The following ZNF827 variants were observed in gnomAD, a reference collection of about 807,000 sequenced individuals.
The protein encoded by ZNF827 is zinc finger protein 827.
A neutral mutation model predicts 102.4 loss-of-function variants in ZNF827; 13 were observed. That is an observed-to-expected ratio of 0.13 (90% CI 0.08 to 0.20). The LOEUF (loss-of-function observed/expected upper bound fraction) is 0.20, where lower values mean the gene tolerates loss of function less well. ZNF827 is among the 10% of genes least tolerant of loss of function. The pLI, the probability that ZNF827 is intolerant of heterozygous loss-of-function variation, is 1.00. For synonymous variants in ZNF827, 523 were observed against 536.2 expected, an observed-to-expected ratio of 0.98 and a Z score of 0.34; for missense variants, 1,103 against 1,344.4, an observed-to-expected ratio of 0.82 and a Z score of 2.81.
chr4:145,824,413 C>T (rs192894434), intron 7 of ZNF827, among the ~76,000 whole-genome samples: 16 of 152,250 alleles, frequency 1.1e-4, no homozygotes, highest in Non-Finnish European at 1.6e-4. Flanking sequence ...TTACAACAGA[C>T]GAAATTCAAC....
chr4:145,918,332 CAAAAAAAAAAAAAA>C (rs34428145), intron 1 of ZNF827, among the ~76,000 whole-genome samples: 25 of 22,130 alleles, frequency 1.1e-3, no homozygotes, highest in Non-Finnish European at 1.6e-3. Context: ...TAGCTCAAGG[CAAAAAAAAAAAAAA>C]AAAAAAAAAA....
At position 145,902,851 on chromosome 4, in the gene ZNF827, A is replaced by T; in HGVS notation, c.408T>A (p.Ala136=). 1 of 1,614,166 alleles carries T rather than the reference A, an allele frequency of 6.2e-7. No homozygotes were observed. The highest frequency in any genetic ancestry group is 8.5e-7 in the Non-Finnish European group (1 of 1,180,024). The part of the protein sequence containing the change: ...LLEAGSLKLD[A]AATANGRVES... The stretch of plus-strand genomic sequence containing the variant: ...CCACTCTGCCATTAGCCGTGGCTGC[A>T]GCATCGAGTTTGAGGGAACCAGCCT... Residue 136 remains alanine (A), a synonymous_variant, in exon 2 of 15, where the codon GCT becomes GCA. Transcript: ENST00000508784. This position sits in a 1 kb window ranked among gnomAD's most constrained non-coding sequence, Gnocchi z 4.3.
Position 145,938,669 on chromosome 4 carries a change from C to T in ZNF827, c.-262G>A, listed in dbSNP as rs1316859130. ...TTTGGTCGTGCACCTGGCTTGTCCC[C>T]GAGCGTAATATTCTTCAATGGAAAC... On this transcript the variant is annotated 5_prime_UTR_variant, in exon 1 of 15. Transcript: ENST00000508784. The T allele has an allele frequency of 2.0e-6, 1 of 504,684 alleles. No homozygotes were observed. The highest frequency in any genetic ancestry group is 3.3e-5 in the Admixed American group (1 of 30,282). The allele number at this position is 504,684 out of a possible 1,614,324, so 31.3% of individuals were successfully genotyped here.
chr4:145,869,544 T>C (rs1319166141), intron 5 of ZNF827, among the ~76,000 whole-genome samples: 3 of 152,222 alleles, frequency 2.0e-5, no homozygotes, highest in African/African-American at 7.2e-5. Context: ...AAGTCCTATC[T>C]TTGAATTGAA....
intron 3 of ZNF827, among the ~76,000 whole-genome samples, chr4:145,888,253 T>C (rs543128977): frequency 6.6e-6 from 1 of 152,326 alleles, no homozygotes; most frequent in Admixed American, 6.5e-5. Context: ...AGAGAAGTAT[T>C]AGCTCTATCC....
Position 145,886,112 on chromosome 4 carries a change from C to A in ZNF827, c.1313G>T (p.Cys438Phe). The change falls in exon 4 of 15, where the codon TGC becomes TTC. Residue 438 changes from cysteine (C) to phenylalanine (F), a missense_variant. Cys to Phe is a radical substitution (Grantham distance 205). Coordinates refer to ENST00000508784, the MANE Select transcript of ZNF827 (RefSeq NM_001306215.2). ...DRGETFQCQL[C>F]PFTSSRHFSL... ...GAAGTGGCGTGAGGAAGTAAAAGGG[C>A]ACAGCTGGCACTGAAAGGTCTCTCC... 6.2e-7 allele frequency: 1 copy of A among 1,611,784 alleles called. No individual in the cohort carries two copies. The highest frequency in any genetic ancestry group is 1.1e-5 in the South Asian group (1 of 90,530).
intron 8 of ZNF827, among the ~76,000 whole-genome samples, chr4:145,818,207 T>G (rs1742785076): frequency 6.6e-6 from 1 of 152,202 alleles, no homozygotes; most frequent in African/African-American, 2.4e-5. Context: ...TTCCTTTTGG[T>G]CAGTGTCTGG....
intron 1 of ZNF827, among the ~76,000 whole-genome samples, chr4:145,932,796 C>T (rs536550175): frequency 7.2e-5 from 11 of 152,300 alleles, no homozygotes; most frequent in African/African-American, 2.6e-4. Context: ...CAACTTCTGA[C>T]CTCAGGAGAA....
At chr4:145,887,516 G>T (rs1750216989) in intron 3 of ZNF827, among the ~76,000 whole-genome samples, 1 of 152,076 alleles carries the variant, frequency 6.6e-6, no homozygotes, top group Non-Finnish European at 1.5e-5. Flanking sequence ...AGAGATTCTG[G>T]GTCCCCCAAA....
rs1432988704 is a variant in ZNF827, at chr4:145,757,779, A to G, written c.*3837T>C. 1.3e-5 allele frequency: 2 copies of G among 152,174 alleles called. No homozygotes were observed. Among genetic ancestry groups the G allele is most frequent in the African/African-American group, 4.8e-5 (2 of 41,434 alleles). The allele number at this position is 152,174 out of a possible 1,614,324, so 9.4% of individuals were successfully genotyped here. The stretch of plus-strand genomic sequence containing the variant: ...CCTCGTAATGCAAAAAGCTTTATAC[A>G]ATACAAATTTTCAGTAATGTACACA... On this transcript the variant is annotated 3_prime_UTR_variant, in exon 15 of 15. Coordinates refer to ENST00000508784, the MANE Select transcript of ZNF827 (RefSeq NM_001306215.2).
At chr4:145,877,167 A>G (rs1051295629) in intron 4 of ZNF827, among the ~76,000 whole-genome samples, 14 of 152,254 alleles carry the variant, frequency 9.2e-5, no homozygotes, top group African/African-American at 3.4e-4. Flanking sequence ...ACATAGGCTC[A>G]GAGGATTATA....
intron 11 of ZNF827, among the ~76,000 whole-genome samples, chr4:145,766,759 T>TA: frequency 6.6e-6 from 1 of 152,246 alleles, no homozygotes. Context: ...GCCCGGCACT[T>TA]AGAGAGGGCT....
At chr4:145,929,632 A>C (rs996038224) in intron 1 of ZNF827, among the ~76,000 whole-genome samples, 2 of 152,132 alleles carry the variant, frequency 1.3e-5, no homozygotes, top group African/African-American at 4.8e-5. Context: ...ATTACTCACC[A>C]CACTAATGAG....
intron 2 of ZNF827, among the ~76,000 whole-genome samples, chr4:145,897,705 T>C (rs957409938): frequency 1.3e-4 from 20 of 152,238 alleles, no homozygotes; most frequent in African/African-American, 4.8e-4. Flanking sequence ...TTTTAACTAG[T>C]AAATATTCAG....
intron 1 of ZNF827, among the ~76,000 whole-genome samples, chr4:145,905,394 T>C (rs1255684799): frequency 6.6e-6 from 1 of 152,240 alleles, no homozygotes; most frequent in African/African-American, 2.4e-5. Flanking sequence ...TTCACGAAGC[T>C]AAAATTCTGC....
At chr4:145,796,648 G>C (rs1440109323) in intron 8 of ZNF827, among the ~76,000 whole-genome samples, 1 of 81,536 alleles carries the variant, frequency 1.2e-5, no homozygotes. Flanking sequence ...TTTTTTTTGA[G>C]ACAGGGGTTT....
intron 8 of ZNF827, among the ~76,000 whole-genome samples, chr4:145,792,256 T>C (rs1000370119): frequency 1.3e-5 from 2 of 152,108 alleles, no homozygotes; most frequent in Non-Finnish European, 1.5e-5. Context: ...TAGAATGGAA[T>C]GGAGTTAAGA....
At chr4:145,829,389 T>C (rs142145762) in intron 7 of ZNF827, among the ~76,000 whole-genome samples, 5 of 152,276 alleles carry the variant, frequency 3.3e-5, no homozygotes, top group Admixed American at 3.3e-4. Flanking sequence ...CCTTAGTAGA[T>C]TTTTTTAAAA....
chr4:145,906,808 C>T (rs988500273), intron 1 of ZNF827, among the ~76,000 whole-genome samples: 4 of 152,232 alleles, frequency 2.6e-5, no homozygotes, highest in African/African-American at 9.6e-5. Context: ...GATAATTTCT[C>T]AACCATCCAT....
Sources: allele counts gnomAD v4.1 joint callset (sites outside exome capture counted in the v4.1 genomes callset), GRCh38; gene constraint gnomAD v4.1.1; non-coding constraint Gnocchi (gnomAD v3.1); transcripts MANE v1.5; gene names NCBI Gene and HGNC (gene_info 2026-07-23, HGNC 2026-07-21).